ALOX15B: variants seen among roughly 807,000 people sequenced by gnomAD.
The protein encoded by ALOX15B is arachidonate 15-lipoxygenase type B.
A neutral mutation model predicts 73.8 loss-of-function variants in ALOX15B; 74 were observed. The ratio of observed to expected loss-of-function variants is 1.00; its 90% CI spans 0.83 to 1.22. The LOEUF (loss-of-function observed/expected upper bound fraction) is 1.22. ALOX15B is among the 50% of genes most tolerant of loss of function. The probability of loss-of-function intolerance (pLI) is 0.00; values close to 1 mark genes in which losing one functional copy is unlikely to be tolerated. For synonymous variants in ALOX15B, 353 were observed against 357.2 expected (o/e 0.99, Z 0.13); for missense variants, 896 against 859.9 (o/e 1.04, Z -0.52).
In ALOX15B at chr17:8,047,039, C is replaced by A. The variant is rs777874394; in HGVS notation, c.1420C>A (p.Arg474Ser). 6.2e-7 allele frequency: 1 copy of A among 1,613,812 alleles called. No homozygotes were observed. The highest frequency in any genetic ancestry group is 8.5e-7 in the Non-Finnish European group (1 of 1,180,014). The stretch of plus-strand genomic sequence containing the variant: ...TGAAGACATCCCAGGCTACTACTAC[C>A]GTGATGATGGGATGCAGATCTGGGG... ...GVEDIPGYYYRDDGMQIWGAV... is the reference protein window; with the variant it reads ...GVEDIPGYYYSDDGMQIWGAV... Residue 474 changes from arginine to serine, a missense_variant, in exon 10 of 14, where the codon CGT (arginine) becomes AGT (serine). Physicochemically the swap from Arg to Ser is moderately radical, Grantham distance 110. Transcript: ENST00000380183.
chr17:8,047,721 T>C, intron 12 of ALOX15B, 24 bp from the exon 13 acceptor site: 2 of 1,614,032 alleles, frequency 1.2e-6, no homozygotes, highest in Non-Finnish European at 1.7e-6. Flanking sequence ...CTCCTCAGCC[T>C]CATTCTGCCC....
chr17:8,039,666 G>A (rs1251498958), intron 2 of ALOX15B, 61 bp downstream of exon 2: 3 of 988,408 alleles, frequency 3.0e-6, no homozygotes, highest in African/African-American at 1.6e-5. Context: ...GGGACTGGGG[G>A]TTGGGGAGAA....
At chr17:8,044,033 C>G (rs1976530897) in intron 5 of ALOX15B, among the ~76,000 whole-genome samples, 1 of 149,460 alleles carries the variant, frequency 6.7e-6, no homozygotes, top group African/African-American at 2.5e-5. Flanking sequence ...AGCCCCACTG[C>G]ATTCCAGCCC....
Position 8,048,574 on chromosome 17 carries a change from G to A in ALOX15B, c.*9G>A. The A allele has an allele frequency of 6.2e-7, 1 of 1,611,934 alleles. No homozygotes were observed. The highest frequency in any genetic ancestry group is 8.5e-7 in the Non-Finnish European group (1 of 1,178,724). On this transcript the variant is annotated 3_prime_UTR_variant, in exon 14 of 14. Coordinates refer to ENST00000380183, the MANE Select transcript of ALOX15B (RefSeq NM_001141.3). Reference sequence around the variant, plus strand: ...ACAGCGTCTCCATCTAAATCCCAGGGGAACACAGGCCCAGATGACATCCCT... The same window carrying A: ...ACAGCGTCTCCATCTAAATCCCAGGAGAACACAGGCCCAGATGACATCCCT...
Position 8,048,741 on chromosome 17 carries a change from A to C in ALOX15B, c.*176A>C. ...ACACACACACAAAAACAGAAACAAA[A>C]TCAAAACAGAGAAAGCAGAAAATCT... On this transcript the variant is annotated 3_prime_UTR_variant, in exon 14 of 14. Transcript: ENST00000380183. 3 of 616,244 alleles carry C rather than the reference A, an allele frequency of 4.9e-6. No individual in the cohort carries two copies. Among genetic ancestry groups the C allele is most frequent in the Non-Finnish European group, 7.9e-6 (3 of 380,292 alleles). 38.2% of individuals were successfully genotyped at this position (616,244 alleles called of 1,614,324 possible).
intron 5 of ALOX15B, among the ~76,000 whole-genome samples, chr17:8,043,535 C>G (rs1256893242): frequency 6.6e-6 from 1 of 152,204 alleles, no homozygotes; most frequent in African/African-American, 2.4e-5. Flanking sequence ...CATGGCAGGA[C>G]TTGCGTCTTT....
chr17:8,039,660 C>A (rs556160387), intron 2 of ALOX15B, 55 bp downstream of exon 2: 2 of 770,972 alleles, frequency 2.6e-6, no homozygotes, highest in Non-Finnish European at 2.0e-6. Context: ...GGGTAGGGGA[C>A]TGGGGGTTGG....
Position 8,045,320 on chromosome 17 carries a change from C to A in ALOX15B, c.932C>A (p.Ala311Glu). ...NVINGKPQFS[A>E]APMTLLYQSP... Reference sequence around the variant, plus strand: ...ATTAATGGGAAGCCTCAGTTCTCTGCGGCCCCAATGACCCTGCTATACCAG... The same window carrying A: ...ATTAATGGGAAGCCTCAGTTCTCTGAGGCCCCAATGACCCTGCTATACCAG... Residue 311 changes from alanine (A) to glutamate (E), a missense_variant, in exon 7 of 14, where the codon GCG becomes GAG. By Grantham distance (107) the Ala-to-Glu change is moderately radical. Coordinates refer to ENST00000380183, the MANE Select transcript of ALOX15B (RefSeq NM_001141.3). 5.6e-6 allele frequency: 9 copies of A among 1,614,180 alleles called. No homozygotes were observed. The highest frequency in any genetic ancestry group is 7.6e-6 in the Non-Finnish European group (9 of 1,180,034).
rs1382225518 is a variant in ALOX15B at position 8,045,108 on chromosome 17, G to A, written c.849+107G>A. ...CACTCACATTTGTTAGGGACCTACCGCGTGCTGCGTGCCAAGCACACTCTC... is the reference window on the plus strand; with the variant it reads ...CACTCACATTTGTTAGGGACCTACCACGTGCTGCGTGCCAAGCACACTCTC... On this transcript the variant is annotated intron_variant, in intron 6 of 13. Transcript: ENST00000380183. 41 of 1,581,352 alleles carry A rather than the reference G, an allele frequency of 2.6e-5. No individual in the cohort carries two copies. In the East Asian group the frequency reaches 3.1e-4, roughly 12 times the overall value.
rs763209758 is a variant in ALOX15B, at chr17:8,039,962, A to C, written c.428A>C (p.Gln143Pro). 6.2e-7 allele frequency: 1 copy of C among 1,613,276 alleles called. No homozygotes were observed. Among genetic ancestry groups the C allele is most frequent in the Non-Finnish European group, 8.5e-7 (1 of 1,179,660 alleles). The stretch of plus-strand genomic sequence containing the variant: ...CAGCAACAGCGCCAGGAGGAGCTTC[A>C]GGCCCGGCAGGAGATGTACCAGTGA... ...VLQQQRQEEL[Q>P]ARQEMYQWKA... The change falls in exon 3 of 14, where the codon CAG becomes CCG. Residue 143 changes from glutamine (Q) to proline (P), a missense_variant. Coordinates refer to ENST00000380183, the MANE Select transcript of ALOX15B (RefSeq NM_001141.3).
rs1038574162 is a variant in ALOX15B, at chr17:8,047,330, C to T, written c.1530C>T (p.Ala510=). 2 of 1,614,090 alleles carry T rather than the reference C, an allele frequency of 1.2e-6. No homozygotes were observed. Among genetic ancestry groups the T allele is most frequent in the Non-Finnish European group, 8.5e-7 (1 of 1,179,976 alleles). The part of the protein sequence containing the change: ...ESVQDDRELQ[A]WVREIFSKGF... ...TCCAAGATGACAGAGAGCTCCAGGC[C>T]TGGGTCAGAGAGATCTTCTCCAAGG... Residue 510 remains alanine (A), a synonymous_variant, in exon 11 of 14, where the codon GCC becomes GCT. Transcript: ENST00000380183.
Position 8,047,631 on chromosome 17 carries a change from C to G in ALOX15B, c.1647C>G (p.Cys549Trp). The G allele has an allele frequency of 1.9e-6, 3 of 1,611,692 alleles. No homozygotes were observed. The highest frequency in any genetic ancestry group is 1.7e-6 in the Non-Finnish European group (2 of 1,178,878). The part of the protein sequence containing the change: ...VQYVTMVIFT[C>W]SAKHAAVSAG... ...ATGTCACCATGGTGATATTCACCTGCTCCGCCAAGCATGCGGCTGTCAGTG... is the reference window on the plus strand; with the variant it reads ...ATGTCACCATGGTGATATTCACCTGGTCCGCCAAGCATGCGGCTGTCAGTG... The change falls in exon 12 of 14, where the codon TGC (cysteine) becomes TGG (tryptophan). Residue 549 changes from cysteine to tryptophan, a missense_variant. Coordinates refer to ENST00000380183, the MANE Select transcript of ALOX15B (RefSeq NM_001141.3).
chr17:8,039,087 G>A lies in ALOX15B; in HGVS notation c.-69G>A, dbSNP rs556299634. ...GGCAATAACCAGGGGCAATAACCAG[G>A]CGTGTCCCAGGGGGGAGCCCCGCTC... On this transcript the variant is annotated 5_prime_UTR_variant, in exon 1 of 14. Coordinates refer to ENST00000380183, the MANE Select transcript of ALOX15B (RefSeq NM_001141.3). 1.9e-5 allele frequency: 29 copies of A among 1,559,934 alleles called. 1 individual carries two copies. The South Asian group carries it at 3.4e-4, about 18-fold the overall frequency.
At position 8,039,528 on chromosome 17, in the gene ALOX15B, C is replaced by T. The variant is rs1173558888; in HGVS notation, c.290C>T (p.Pro97Leu). The T allele has an allele frequency of 4.0e-6, 6 of 1,513,856 alleles. No homozygotes were observed. The highest frequency in any genetic ancestry group is 3.5e-5 in the South Asian group (3 of 84,712). The allele number at this position is 1,513,856 out of a possible 1,614,324, so 93.8% of individuals were successfully genotyped here. Residue 97 changes from proline to leucine, a missense_variant, in exon 2 of 14, where the codon CCG becomes CTG. Coordinates refer to ENST00000380183, the MANE Select transcript of ALOX15B (RefSeq NM_001141.3). ...TGCCGCTGGTTCCAGCTGACACCGC[C>T]GCGGGGCGGCCACCTCCTCTTCCCC... Reference protein sequence around the residue: ...WFCRWFQLTPPRGGHLLFPCY... With the variant: ...WFCRWFQLTPLRGGHLLFPCY...
In ALOX15B at chr17:8,046,939, G is replaced by T; in HGVS notation, c.1320G>T (p.Glu440Asp). ...GCATCGGCATTGAAGGCTTCTCTGAGTTGATACAGAGGAACATGAAGCAGC... is the reference window on the plus strand; with the variant it reads ...GCATCGGCATTGAAGGCTTCTCTGATTTGATACAGAGGAACATGAAGCAGC... The part of the protein sequence containing the change: ...STGIGIEGFS[E>D]LIQRNMKQLN... Residue 440 changes from glutamate to aspartate, a missense_variant, in exon 10 of 14, where the codon GAG becomes GAT. Transcript: ENST00000380183. The T allele has an allele frequency of 1.9e-6, 3 of 1,614,200 alleles. No individual in the cohort carries two copies. Among genetic ancestry groups the T allele is most frequent in the Non-Finnish European group, 2.5e-6 (3 of 1,180,042 alleles).
At chr17:8,044,770 CA>C in intron 5 of ALOX15B, 58 bp from the exon 6 acceptor site, 512 of 1,215,932 alleles carry the variant, frequency 4.2e-4, no homozygotes, top group Non-Finnish European at 5.2e-4. Flanking sequence ...CCGTGTCCCC[CA>C]CCCCCTGCAA....
Position 8,046,988 on chromosome 17 carries a change from C to T in ALOX15B, c.1369C>T (p.Pro457Ser). Residue 457 changes from proline (P) to serine (S), a missense_variant, in exon 10 of 14, where the codon CCT becomes TCT. Coordinates refer to ENST00000380183, the MANE Select transcript of ALOX15B (RefSeq NM_001141.3). ...GCTGAACTATTCTCTCCTGTGTCTGCCTGAGGATATCCGGACCCGAGGAGT... is the reference window on the plus strand; with the variant it reads ...GCTGAACTATTCTCTCCTGTGTCTGTCTGAGGATATCCGGACCCGAGGAGT... ...KQLNYSLLCL[P>S]EDIRTRGVED... The T allele has an allele frequency of 6.2e-7, 1 of 1,614,144 alleles. No homozygotes were observed. Among genetic ancestry groups the T allele is most frequent in the East Asian group, 2.2e-5 (1 of 44,862 alleles).
At chr17:8,044,105 G>GAGAGGAAGGAAGGA (rs1355114653) in intron 5 of ALOX15B, among the ~76,000 whole-genome samples, 2 of 62,380 alleles carry the variant, frequency 3.2e-5, no homozygotes, top group African/African-American at 7.3e-5. Flanking sequence ...GAGAGAGAGA[G>GAGAGGAAGGAAGGA]AGGAAGGAAG....
chr17:8,040,169 C>G (rs138093989), intron 3 of ALOX15B, among the ~76,000 whole-genome samples, 186 bp downstream of exon 3: 1 of 152,168 alleles, frequency 6.6e-6, no homozygotes, highest in South Asian at 2.1e-4. Context: ...CAACCTACTA[C>G]GACACTGAGG....
Sources: gnomAD v4.1 joint callset for allele counts (sites outside exome capture counted in the v4.1 genomes callset) on GRCh38, gnomAD v4.1.1 for gene constraint, MANE v1.5 for transcripts, NCBI Gene and HGNC (gene_info 2026-07-23, HGNC 2026-07-21) for gene names.